CD86: variants seen among roughly 807,000 people sequenced by gnomAD.
CD86 encodes T-lymphocyte activation antigen CD86.
CD86 carries 11 observed loss-of-function variants against 32.1 expected under a neutral mutation model. The observed-to-expected ratio is 0.34, with a 90% confidence interval of 0.22 to 0.57. The LOEUF (loss-of-function observed/expected upper bound fraction) is 0.57. CD86 is among the 20% of genes least tolerant of loss of function. The pLI, the probability that CD86 is intolerant of heterozygous loss-of-function variation, is 0.86. For missense variants in CD86, 359 were observed against 398.4 expected (o/e 0.90, Z 0.84); for synonymous variants, 137 against 135.3 (o/e 1.01, Z -0.09).
chr3:122,064,355 G>T (rs2072383384), intron 1 of CD86, among the ~76,000 whole-genome samples: 1 of 152,132 alleles, frequency 6.6e-6, no homozygotes, highest in African/African-American at 2.4e-5. Context: ...GACTAAAATT[G>T]CCAGATCTTC....
At chr3:122,112,680 T>G (rs1420111391) in intron 5 of CD86, among the ~76,000 whole-genome samples, 1 of 152,216 alleles carries the variant, frequency 6.6e-6, no homozygotes, top group Non-Finnish European at 1.5e-5. Flanking sequence ...AGAATCTACC[T>G]TTTAATTGTC....
chr3:122,058,585 G>A (rs2072276889), intron 1 of CD86, among the ~76,000 whole-genome samples: 2 of 152,090 alleles, frequency 1.3e-5, no homozygotes, highest in South Asian at 4.1e-4. Flanking sequence ...GTGCATGGGG[G>A]AATTTTAAGT....
chr3:122,083,519 C>A (rs533458899), intron 1 of CD86, among the ~76,000 whole-genome samples: 123 of 152,306 alleles, frequency 8.1e-4, no homozygotes, highest in African/African-American at 2.9e-3. Context: ...CTGTTTGCCT[C>A]TTGGTATGTT....
intron 1 of CD86, among the ~76,000 whole-genome samples, chr3:122,073,658 G>C (rs1280019489): frequency 3.3e-5 from 5 of 152,056 alleles, no homozygotes; most frequent in African/African-American, 1.2e-4. Flanking sequence ...CCTGGGGGCT[G>C]TGGTTGACAA....
chr3:122,118,279 A>C (rs2073287746), intron 6 of CD86, among the ~76,000 whole-genome samples, 186 bp downstream of exon 6: 1 of 152,240 alleles, frequency 6.6e-6, no homozygotes, highest in South Asian at 2.1e-4. Flanking sequence ...CAGGGTATCC[A>C]ATGCACAATG....
At chr3:122,061,438 A>T (rs1054518528) in intron 1 of CD86, among the ~76,000 whole-genome samples, 7 of 152,232 alleles carry the variant, frequency 4.6e-5, no homozygotes, top group Non-Finnish European at 1.0e-4. Flanking sequence ...CATGACAAAA[A>T]GTTCATTCTC....
intron 1 of CD86, among the ~76,000 whole-genome samples, chr3:122,069,291 A>G (rs1231004003): frequency 2.0e-5 from 3 of 152,190 alleles, no homozygotes; most frequent in Admixed American, 1.3e-4. Flanking sequence ...TTAAAAAAAA[A>G]AAAACTAGAA....
At chr3:122,117,964 A>G in intron 5 of CD86, 84 bp from the exon 6 acceptor site, 2 of 1,134,824 alleles carry the variant, frequency 1.8e-6, no homozygotes, top group Non-Finnish European at 2.6e-6. Flanking sequence ...TCTCAGTCCC[A>G]GAACTTTGAA....
At chr3:122,079,839 C>T (rs2107515342) in intron 1 of CD86, among the ~76,000 whole-genome samples, 1 of 152,312 alleles carries the variant, frequency 6.6e-6, no homozygotes, top group East Asian at 1.9e-4. Flanking sequence ...CCTATCGGTC[C>T]TCCTTTATTC....
In CD86 at chr3:122,092,259, C is replaced by G. The variant is rs1021658558; in HGVS notation, c.64+609C>G. The G allele has an allele frequency of 2.0e-5, 3 of 152,454 alleles. No homozygotes were observed. The East Asian group carries it at 5.8e-4, about 29-fold the overall frequency. 9.4% of individuals were successfully genotyped at this position (152,454 alleles called of 1,614,324 possible). A position where few individuals can be genotyped will look rare whatever the true frequency, so the allele number is the denominator to read the frequency against. On this transcript the variant is annotated intron_variant, in intron 2 of 6. Transcript: ENST00000330540. ...AATGAAGCTGAAGCTTCAGAGCCCT[C>G]CATTTGCACAACCCTTTCTAAATCC... is the stretch of plus-strand genomic sequence containing the variant.
At chr3:122,079,016 T>C (rs996740635) in intron 1 of CD86, among the ~76,000 whole-genome samples, 2 of 152,224 alleles carry the variant, frequency 1.3e-5, no homozygotes, top group Non-Finnish European at 2.9e-5. Flanking sequence ...TTATTCCTAA[T>C]ATAGTTATTA....
chr3:122,106,179 A>C lies in CD86; in HGVS notation c.401-19A>C, dbSNP rs749399124. ...TCTAAACTTAGATTGATTTTTTTTT[A>C]TCTCTCTTCTGCTTTCAGCTAACTT... On this transcript the variant is annotated intron_variant, in intron 3 of 6. Transcript: ENST00000330540. The C allele has an allele frequency of 7.1e-6, 11 of 1,542,200 alleles. No homozygotes were observed. The highest frequency in any genetic ancestry group is 2.5e-5 in the South Asian group (2 of 79,992).
intron 1 of CD86, among the ~76,000 whole-genome samples, chr3:122,075,648 G>A (rs1410276903): frequency 2.0e-5 from 3 of 152,250 alleles, no homozygotes; most frequent in African/African-American, 4.8e-5. Flanking sequence ...GAGTTTTGAG[G>A]TCCCTTACAG....
At chr3:122,084,142 A>C (rs954628258) in intron 1 of CD86, among the ~76,000 whole-genome samples, 1 of 152,184 alleles carries the variant, frequency 6.6e-6, no homozygotes, top group Non-Finnish European at 1.5e-5. Flanking sequence ...GCCCGCCACT[A>C]TGCCCAGCTA....
chr3:122,069,400 A>G (rs749127345), intron 1 of CD86, among the ~76,000 whole-genome samples: 2 of 152,240 alleles, frequency 1.3e-5, no homozygotes, highest in Non-Finnish European at 2.9e-5. Flanking sequence ...AAGGTAAAGC[A>G]TGAAAATGTG....
At chr3:122,108,712 A>C (rs2073127818) in intron 4 of CD86, among the ~76,000 whole-genome samples, 1 of 152,220 alleles carries the variant, frequency 6.6e-6, no homozygotes, top group Non-Finnish European at 1.5e-5. Flanking sequence ...ATATGCTGAA[A>C]GCCATGCAGA....
intron 3 of CD86, among the ~76,000 whole-genome samples, chr3:122,105,604 G>A (rs2073078222): frequency 6.6e-6 from 1 of 152,174 alleles, no homozygotes; most frequent in Non-Finnish European, 1.5e-5. Flanking sequence ...CCCTAAAATA[G>A]CTGGATTTGG....
In CD86 at chr3:122,109,381, A is replaced by C; in HGVS notation, c.820A>C (p.Lys274Gln). The C allele has an allele frequency of 1.2e-6, 2 of 1,614,062 alleles. No homozygotes were observed. The highest frequency in any genetic ancestry group is 1.7e-6 in the Non-Finnish European group (2 of 1,179,970). The change falls in exon 5 of 7, where the codon AAG (lysine) becomes CAG (glutamine). Residue 274 changes from lysine (K) to glutamine (Q), a missense_variant. Transcript: ENST00000330540. ...AATTCTATGGAAATGGAAGAAGAAG[A>C]AGCGGCCTCGCAACTCTTATAAATG... ...CLILWKWKKK[K>Q]RPRNSYKCGT...
chr3:122,118,101 C>G lies in CD86; in HGVS notation c.893+8C>G. ...TGAACAGACCAAGAAAAGGTAAATC[C>G]TGACCCTGAGACATTGATGAGAGAG... On this transcript the variant is annotated splice_region_variant and intron_variant, in intron 6 of 6. Coordinates refer to ENST00000330540, the MANE Select transcript of CD86 (RefSeq NM_175862.5). 1 of 1,566,636 alleles carries G rather than the reference C, an allele frequency of 6.4e-7. No homozygotes were observed. Among genetic ancestry groups the G allele is most frequent in the Non-Finnish European group, 8.6e-7 (1 of 1,162,776 alleles).
Sources: allele counts gnomAD v4.1 joint callset (sites outside exome capture counted in the v4.1 genomes callset), GRCh38; gene constraint gnomAD v4.1.1; transcripts MANE v1.5; gene names NCBI Gene and HGNC (gene_info 2026-07-23, HGNC 2026-07-21).